The following SEMA6A variants were observed in gnomAD, a reference collection of about 807,000 sequenced individuals.
SEMA6A encodes the protein semaphorin 6A.
SEMA6A carries 25 observed loss-of-function variants against 96.8 expected under a neutral mutation model. That is an observed-to-expected ratio of 0.26 (90% CI 0.19 to 0.36). The LOEUF is 0.36. SEMA6A is among the 10% of genes least tolerant of loss of function. The pLI, the probability that SEMA6A is intolerant of heterozygous loss-of-function variation, is 1.00. For synonymous variants in SEMA6A, 612 were observed against 518.0 expected (o/e 1.18, Z -2.46); for missense variants, 1,363 against 1,323.1 (o/e 1.03, Z -0.47).
chr5:116,472,661 A>G (rs1308261902), intron 17 of SEMA6A: 7 of 479,522 alleles, frequency 1.5e-5, no homozygotes, highest in Middle Eastern at 1.1e-3. Context: ...GGCATATTTC[A>G]TGTTATCTGG....
chr5:116,471,425 A>G (rs1001314020), intron 17 of SEMA6A: 4 of 152,200 alleles, frequency 2.6e-5, no homozygotes, highest in Admixed American at 6.5e-5. Context: ...TGCTGGTTCA[A>G]TTCGTTTCAA....
intron 18 of SEMA6A, among the ~76,000 whole-genome samples, chr5:116,454,058 C>T (rs938992537): frequency 7.2e-5 from 11 of 152,086 alleles, no homozygotes; most frequent in African/African-American, 1.4e-4. Context: ...TTTCACTGGA[C>T]GGCCCGTTTC....
At chr5:116,527,677 CTTTTA>C (rs1258979064) in intron 1 of SEMA6A, among the ~76,000 whole-genome samples, 1 of 151,654 alleles carries the variant, frequency 6.6e-6, no homozygotes, top group Non-Finnish European at 1.5e-5. Flanking sequence ...TTCAACAATT[CTTTTA>C]TTTTTTCTTG....
chr5:116,527,236 T>A (rs1393715178), intron 1 of SEMA6A, among the ~76,000 whole-genome samples: 2 of 151,938 alleles, frequency 1.3e-5, no homozygotes, highest in Non-Finnish European at 2.9e-5. Context: ...CTTAACATTA[T>A]ATATTTTTTT....
chr5:116,448,823 G>C (rs1754448070), intron 18 of SEMA6A, among the ~76,000 whole-genome samples: 1 of 149,410 alleles, frequency 6.7e-6, no homozygotes, highest in Non-Finnish European at 1.5e-5. Flanking sequence ...TTTGAATGAA[G>C]CTTTCTCACT....
At chr5:116,478,427 T>C (rs1356885283) in intron 13 of SEMA6A, 115 bp downstream of exon 13, 2 of 1,163,326 alleles carry the variant, frequency 1.7e-6, no homozygotes, top group South Asian at 1.7e-5. Flanking sequence ...CAAACAGCAC[T>C]AAAAAGTCAT....
chr5:116,551,413 G>A (rs254232), intron 1 of SEMA6A, among the ~76,000 whole-genome samples: 66,929 of 151,656 alleles, frequency 0.44, 17,462 homozygotes, highest in East Asian at 0.63. Flanking sequence ...AGAAGATTTG[G>A]GGGGAAATAT....
Position 116,502,230 on chromosome 5 carries a change from T to C in SEMA6A, c.198A>G (p.Gly66=), listed in dbSNP as rs199513641. The C allele has an allele frequency of 2.2e-4, 351 of 1,613,922 alleles. 1 individual carries two copies. In the African/African-American group the frequency reaches 4.2e-3, roughly 19 times the overall value. Residue 66 remains glycine (G), a synonymous_variant, in exon 3 of 19, where the codon GGA becomes GGG. Coordinates refer to ENST00000343348, the MANE Select transcript of SEMA6A (RefSeq NM_020796.5). ...CTTACCTAGCAGCAATGTAGAGGGT[T>C]CCGTTCATGATCATAATCATCTGGA... The part of the protein sequence containing the change: ...LDIQMIMIMN[G]TLYIAARDHI...
intron 6 of SEMA6A, among the ~76,000 whole-genome samples, chr5:116,493,510 T>C (rs1183462631): frequency 6.6e-6 from 1 of 152,198 alleles, no homozygotes; most frequent in Non-Finnish European, 1.5e-5. Context: ...TTAAAAAATA[T>C]TGCATTAAAA....
intron 18 of SEMA6A, among the ~76,000 whole-genome samples, chr5:116,453,213 C>T (rs1163951663): frequency 6.6e-6 from 1 of 152,152 alleles, no homozygotes; most frequent in African/African-American, 2.4e-5. Flanking sequence ...AAGCTTGCTT[C>T]ATGGCTCTCA....
At chr5:116,573,007 C>A (rs1043352243) in intron 1 of SEMA6A, among the ~76,000 whole-genome samples, 29 of 152,290 alleles carry the variant, frequency 1.9e-4, no homozygotes, top group African/African-American at 6.7e-4. Context: ...AAGCCCGGGA[C>A]CGCTCCCTGG....
At chr5:116,501,303 T>A (rs987829478) in intron 3 of SEMA6A, among the ~76,000 whole-genome samples, 2 of 152,218 alleles carry the variant, frequency 1.3e-5, no homozygotes, top group East Asian at 1.9e-4. Flanking sequence ...CCTAAATTTA[T>A]GTGATCCCTG....
intron 1 of SEMA6A, among the ~76,000 whole-genome samples, chr5:116,542,105 C>T (rs57183792): frequency 0.043 from 6,492 of 152,108 alleles, 160 homozygotes; most frequent in African/African-American, 0.054. Flanking sequence ...CTTTGTATGC[C>T]CTCTTCATTT....
intron 18 of SEMA6A, among the ~76,000 whole-genome samples, chr5:116,461,727 G>A (rs1489181514): frequency 6.6e-6 from 1 of 152,114 alleles, no homozygotes; most frequent in African/African-American, 2.4e-5. Flanking sequence ...TAAAGTCTGT[G>A]GTGTGTGGTT....
At chr5:116,477,774 A>T (rs1756532441) in intron 15 of SEMA6A, 72 bp downstream of exon 15, 2 of 1,462,546 alleles carry the variant, frequency 1.4e-6, no homozygotes, top group Non-Finnish European at 1.9e-6. Context: ...GTGTGAGCAG[A>T]GCAAATCTTA....
chr5:116,569,969 G>C (rs1761144634), intron 1 of SEMA6A, among the ~76,000 whole-genome samples: 1 of 152,138 alleles, frequency 6.6e-6, no homozygotes, highest in Non-Finnish European at 1.5e-5. Context: ...AATCATCTGT[G>C]TATTATGGTT....
At chr5:116,508,434 A>G (rs1164822159) in intron 1 of SEMA6A, among the ~76,000 whole-genome samples, 2 of 152,132 alleles carry the variant, frequency 1.3e-5, no homozygotes. Context: ...CTAATGAGTC[A>G]GTTTAACAAG....
chr5:116,474,762 A>T (rs1391157065), intron 16 of SEMA6A, among the ~76,000 whole-genome samples: 1 of 152,194 alleles, frequency 6.6e-6, no homozygotes, highest in Non-Finnish European at 1.5e-5. Flanking sequence ...GCCATTTTGA[A>T]TGCAAGCTTC....
chr5:116,534,827 A>G (rs909901063), intron 1 of SEMA6A, among the ~76,000 whole-genome samples: 1 of 152,218 alleles, frequency 6.6e-6, no homozygotes, highest in African/African-American at 2.4e-5. Flanking sequence ...TACTGAATGA[A>G]TGAATGAACA....
Sources: allele counts gnomAD v4.1 joint callset (sites outside exome capture counted in the v4.1 genomes callset), GRCh38; gene constraint gnomAD v4.1.1; transcripts MANE v1.5; gene names NCBI Gene and HGNC (gene_info 2026-07-23, HGNC 2026-07-21).